The following COG6 variants were observed in gnomAD, a reference collection of about 807,000 sequenced individuals.
COG6 encodes component of oligomeric golgi complex 6, also known as conserved oligomeric Golgi complex subunit 6.
COG6 carries 74 observed loss-of-function variants against 88.8 expected under a neutral mutation model. The observed-to-expected ratio is 0.83, with a 90% CI of 0.69 to 1.01. The LOEUF is 1.01. Among genes scored for constraint, COG6 ranks in the 50% least tolerant of loss-of-function variants. The probability of loss-of-function intolerance (pLI) is 0.00; values close to 1 mark genes in which losing one functional copy is unlikely to be tolerated. For missense variants in COG6, 800 were observed against 797.9 expected (o/e 1.00, Z -0.03); for synonymous variants, 286 against 278.7 (o/e 1.03, Z -0.26).
intron 13 of COG6, among the ~76,000 whole-genome samples, chr13:39,715,274 T>C (rs201710089): frequency 2.7e-5 from 4 of 149,880 alleles, no homozygotes; most frequent in Admixed American, 6.7e-5. Context: ...TCTCTCTCTA[T>C]ACACACACAC....
intron 13 of COG6, among the ~76,000 whole-genome samples, chr13:39,714,790 CATT>C (rs772764360): frequency 6.6e-6 from 1 of 152,154 alleles, no homozygotes. Context: ...GAATAGTAGT[CATT>C]ATATCAAAAA....
chr13:39,657,038 CCTT>C (rs1376813403), intron 1 of COG6: 6 of 337,094 alleles, frequency 1.8e-5, no homozygotes, highest in South Asian at 2.5e-5. Context: ...GATAACATGG[CCTT>C]CTTTTTTGGA....
chr13:39,759,269 C>T (rs1355645561), intron 18 of COG6, among the ~76,000 whole-genome samples: 1 of 152,050 alleles, frequency 6.6e-6, no homozygotes, highest in Non-Finnish European at 1.5e-5. Context: ...TAAAACAGGC[C>T]TGTTCTCATG....
chr13:39,746,865 G>A (rs1305221235), intron 18 of COG6, among the ~76,000 whole-genome samples: 3 of 152,038 alleles, frequency 2.0e-5, no homozygotes, highest in Admixed American at 1.3e-4. Flanking sequence ...TAACTGATAC[G>A]CTTTTATAAA....
At chr13:39,791,087 A>G (rs377300075) in exon 19 of COG6, 1 of 152,086 alleles carries the variant, frequency 6.6e-6, no homozygotes, top group Non-Finnish European at 1.5e-5. Context: ...TCCAGATTTT[A>G]AAAACAAGGC....
At chr13:39,688,495 G>C (rs1379604347) in intron 10 of COG6, among the ~76,000 whole-genome samples, 1 of 152,122 alleles carries the variant, frequency 6.6e-6, no homozygotes, top group East Asian at 1.9e-4. Context: ...AAGACAGAGA[G>C]ATGGGAGAGA....
intron 4 of COG6, among the ~76,000 whole-genome samples, chr13:39,670,266 A>G (rs1451982059): frequency 6.6e-6 from 1 of 152,148 alleles, no homozygotes; most frequent in East Asian, 1.9e-4. Flanking sequence ...GTACATGAAC[A>G]TACCTTTGTA....
chr13:39,733,286 G>A (rs886512642), intron 18 of COG6, among the ~76,000 whole-genome samples: 3 of 150,930 alleles, frequency 2.0e-5, no homozygotes, highest in African/African-American at 7.3e-5. Flanking sequence ...TGCGTCCTGG[G>A]TGCAAGCCAC....
chr13:39,660,270 A>G (rs922992582), intron 2 of COG6, among the ~76,000 whole-genome samples: 57 of 152,226 alleles, frequency 3.7e-4, no homozygotes, highest in African/African-American at 1.3e-3. Context: ...ATCATAGTAC[A>G]CTACAGCATC....
chr13:39,764,532 C>T (rs1881111778), intron 18 of COG6, among the ~76,000 whole-genome samples: 1 of 151,864 alleles, frequency 6.6e-6, no homozygotes, highest in African/African-American at 2.4e-5. Flanking sequence ...CATCTAAGCA[C>T]AGGTTTAGCT....
intron 6 of COG6, 86 bp from the exon 7 acceptor site, chr13:39,679,889 A>G: frequency 1.3e-6 from 1 of 747,598 alleles, no homozygotes; most frequent in Non-Finnish European, 2.4e-6. Flanking sequence ...AATATGCTGT[A>G]ATATGTAATA....
chr13:39,751,467 A>T lies in COG6; in HGVS notation c.*374A>T. ...AATTTGTCTAAATTTAATAATTAGT[A>T]TAAGGATATGACCTAATAAATGTCT... is the stretch of plus-strand genomic sequence containing the variant. On this transcript the variant is annotated 3_prime_UTR_variant, in exon 19 of 19. Coordinates refer to ENST00000455146, the MANE Select transcript of COG6 (RefSeq NM_020751.3). 8.0e-7 allele frequency: 1 copy of T among 1,255,466 alleles called. No individual in the cohort carries two copies. Among genetic ancestry groups the T allele is most frequent in the Non-Finnish European group, 1.0e-6 (1 of 959,328 alleles). 77.8% of individuals were successfully genotyped at this position (1,255,466 alleles called of 1,614,324 possible).
At chr13:39,743,467 T>C (rs1357968631) in intron 18 of COG6, among the ~76,000 whole-genome samples, 1 of 152,182 alleles carries the variant, frequency 6.6e-6, no homozygotes, top group African/African-American at 2.4e-5. Context: ...CAGAGAATAC[T>C]ATAAACACCT....
chr13:39,656,280 C>A, intron 1 of COG6: 1 of 445,048 alleles, frequency 2.2e-6, no homozygotes, highest in South Asian at 1.6e-5. Context: ...GATAAGGTAG[C>A]GCAAATGGGG....
chr13:39,691,534 A>G (rs1876978700), intron 11 of COG6, among the ~76,000 whole-genome samples: 1 of 151,994 alleles, frequency 6.6e-6, no homozygotes, highest in Non-Finnish European at 1.5e-5. Context: ...CCATATGATG[A>G]TAATATGTAT....
chr13:39,671,153 G>A (rs1875608157), intron 4 of COG6, among the ~76,000 whole-genome samples: 1 of 151,868 alleles, frequency 6.6e-6, no homozygotes, highest in Non-Finnish European at 1.5e-5. Flanking sequence ...ATATTGGACT[G>A]GAAATAAAAA....
At chr13:39,788,353 A>G (rs1464284933) in exon 19 of COG6, 1 of 1,551,810 alleles carries the variant, frequency 6.4e-7, no homozygotes, top group Non-Finnish European at 8.7e-7. Context: ...CCAACGGCCC[A>G]TGATCATCTT....
chr13:39,666,468 T>A (rs1200139168), intron 4 of COG6, among the ~76,000 whole-genome samples: 1 of 152,174 alleles, frequency 6.6e-6, no homozygotes, highest in Non-Finnish European at 1.5e-5. Context: ...TCAGTTTCAG[T>A]AATGGTTTTA....
chr13:39,655,733 G>A lies in COG6; in HGVS notation c.7G>A (p.Glu3Lys). The A allele has an allele frequency of 3.1e-6, 5 of 1,594,938 alleles. No individual in the cohort carries two copies. Among genetic ancestry groups the A allele is most frequent in the Non-Finnish European group, 4.3e-6 (5 of 1,170,546 alleles). Residue 3 changes from glutamate (E) to lysine (K), a missense_variant, in exon 1 of 19, where the codon GAG (glutamate) becomes AAG (lysine). Coordinates refer to ENST00000455146, the MANE Select transcript of COG6 (RefSeq NM_020751.3). Reference sequence around the variant, plus strand: ...GGGCGGGACGCGCAGCGCTATGGCAGAGGGCAGCGGGGAAGTGGTCGCAGT... The same window carrying A: ...GGGCGGGACGCGCAGCGCTATGGCAAAGGGCAGCGGGGAAGTGGTCGCAGT... Reference protein sequence around the residue: MAEGSGEVVAVSA... With the variant: MAKGSGEVVAVSA...
Sources: gnomAD v4.1 joint callset for allele counts (sites outside exome capture counted in the v4.1 genomes callset) on GRCh38, gnomAD v4.1.1 for gene constraint, MANE v1.5 for transcripts, NCBI Gene and HGNC (gene_info 2026-07-23, HGNC 2026-07-21) for gene names.